Variants in ZNF608 observed in about 807,000 individuals in gnomAD.
ZNF608 encodes the protein renal carcinoma antigen NY-REN-36.
In ZNF608, 12 loss-of-function variants were observed where a neutral mutation model predicts 109.0. That is an observed-to-expected ratio of 0.11 (90% CI 0.07 to 0.18). ZNF608 has a LOEUF of 0.18. ZNF608 is among the 10% of genes least tolerant of loss of function. The pLI is 1.00. For missense variants in ZNF608, 1,707 were observed against 1,879.3 expected (o/e 0.91, Z 1.70); for synonymous variants, 732 against 717.4 (o/e 1.02, Z -0.33).
intron 3 of ZNF608, among the ~76,000 whole-genome samples, chr5:124,691,990 T>A (rs548954010): frequency 4.6e-5 from 7 of 152,310 alleles, no homozygotes; most frequent in Admixed American, 2.0e-4. Context: ...TTTTTTCCCA[T>A]CTACATTTTT....
chr5:124,700,099 C>T (rs1023633962), intron 3 of ZNF608, among the ~76,000 whole-genome samples: 2 of 152,128 alleles, frequency 1.3e-5, no homozygotes, highest in African/African-American at 4.8e-5. Flanking sequence ...AGTTCCCCCA[C>T]CCCTTCATTT....
chr5:124,722,970 C>T (rs1471753096), intron 2 of ZNF608, among the ~76,000 whole-genome samples: 1 of 151,652 alleles, frequency 6.6e-6, no homozygotes, highest in East Asian at 1.9e-4. Context: ...TCATAACTTC[C>T]AGTTAAAGAC....
At chr5:124,671,292 GA>G (rs1751704259) in intron 3 of ZNF608, among the ~76,000 whole-genome samples, 1 of 152,140 alleles carries the variant, frequency 6.6e-6, no homozygotes, top group African/African-American at 2.4e-5. Context: ...GAGAAGCCCA[GA>G]AAGGTCTTTT....
chr5:124,748,695 A>G, upstream of ZNF608: 1 of 587,152 alleles, frequency 1.7e-6, no homozygotes, highest in Non-Finnish European at 2.1e-6. Flanking sequence ...TATAAAAGCA[A>G]AAATTAAAAT....
At position 124,649,662 on chromosome 5, in the gene ZNF608, T is replaced by C; in HGVS notation, c.1198A>G (p.Thr400Ala). 1.2e-6 allele frequency: 2 copies of C among 1,610,080 alleles called. No individual in the cohort carries two copies. The highest frequency in any genetic ancestry group is 1.7e-6 in the Non-Finnish European group (2 of 1,177,160). The change falls in exon 4 of 10, where the codon ACG becomes GCG. Residue 400 changes from threonine to alanine, a missense_variant. Thr to Ala is a moderately conservative substitution (Grantham distance 58). Transcript: ENST00000513986. ...LVVNVTWRNK[T>A]YVGTLLDCTK... ...CAGTCCAGTAGGGTTCCCACGTACGTTTTGTTCCTCCACGTGACATTGACC... is the reference window on the plus strand; with the variant it reads ...CAGTCCAGTAGGGTTCCCACGTACGCTTTGTTCCTCCACGTGACATTGACC...
intron 2 of ZNF608, among the ~76,000 whole-genome samples, chr5:124,721,563 C>T (rs757127731): frequency 2.2e-4 from 34 of 152,066 alleles, no homozygotes; most frequent in Non-Finnish European, 4.7e-4. Context: ...TGTTTTGGAA[C>T]AGTAAAGATA....
chr5:124,640,266 T>G (rs1472584940), intron 8 of ZNF608, among the ~76,000 whole-genome samples: 1 of 152,226 alleles, frequency 6.6e-6, no homozygotes, highest in Non-Finnish European at 1.5e-5. Flanking sequence ...ATGTTGAAGC[T>G]CTAATCCACA....
At chr5:124,731,751 G>A (rs529639579) in intron 2 of ZNF608, among the ~76,000 whole-genome samples, 3 of 152,144 alleles carry the variant, frequency 2.0e-5, no homozygotes, top group Admixed American at 1.3e-4. Context: ...GCTTGGACCC[G>A]GGAGGCGGAG....
intron 3 of ZNF608, among the ~76,000 whole-genome samples, chr5:124,657,945 T>G (rs1454218719): frequency 6.6e-6 from 1 of 152,188 alleles, no homozygotes; most frequent in Non-Finnish European, 1.5e-5. Flanking sequence ...TAGGCAAACA[T>G]ACATATCCTA....
chr5:124,699,505 T>C (rs1239675676), intron 3 of ZNF608, among the ~76,000 whole-genome samples: 1 of 152,166 alleles, frequency 6.6e-6, no homozygotes, highest in Non-Finnish European at 1.5e-5. Flanking sequence ...AAAAGTAAAT[T>C]TTAATCACTT....
Position 124,648,040 on chromosome 5 carries a change from T to A in ZNF608, c.2344A>T (p.Ser782Cys). Reference protein sequence around the residue: ...TTTVVQATPKSPPLKPIQPKP... With the variant: ...TTTVVQATPKCPPLKPIQPKP... ...GGTTGAATGGGTTTTAACGGAGGAC[T>A]CTTTGGTGTAGCCTGAACAACAGTT... The change falls in exon 5 of 10, where the codon AGT (serine) becomes TGT (cysteine). Residue 782 changes from serine to cysteine, a missense_variant. Coordinates refer to ENST00000513986, the MANE Select transcript of ZNF608 (RefSeq NM_020747.3). The A allele has an allele frequency of 6.2e-7, 1 of 1,614,192 alleles. No homozygotes were observed. The highest frequency in any genetic ancestry group is 8.5e-7 in the Non-Finnish European group (1 of 1,180,040).
At chr5:124,700,072 A>T (rs1752992218) in intron 3 of ZNF608, among the ~76,000 whole-genome samples, 1 of 152,068 alleles carries the variant, frequency 6.6e-6, no homozygotes, top group Admixed American at 6.5e-5. Context: ...GACCGATCTA[A>T]CTTACAGAGA....
intron 3 of ZNF608, among the ~76,000 whole-genome samples, chr5:124,653,856 G>C (rs1462065344): frequency 6.6e-6 from 1 of 152,214 alleles, no homozygotes; most frequent in Admixed American, 6.5e-5. Context: ...AAAGTTCCAA[G>C]GGCGCAATAG....
intron 3 of ZNF608, among the ~76,000 whole-genome samples, chr5:124,669,521 C>T (rs1263038471): frequency 2.6e-5 from 4 of 152,148 alleles, no homozygotes; most frequent in Non-Finnish European, 5.9e-5. Context: ...GCCAAGTGAA[C>T]GCTATAGGCT....
At position 124,648,820 on chromosome 5, in the gene ZNF608, G is replaced by C; in HGVS notation, c.1564C>G (p.Arg522Gly). 1 of 1,614,178 alleles carries C rather than the reference G, an allele frequency of 6.2e-7. No individual in the cohort carries two copies. Among genetic ancestry groups the C allele is most frequent in the Non-Finnish European group, 8.5e-7 (1 of 1,180,016 alleles). ...GTGCTTCTGGAATTTGTGCGGACAC[G>C]CTTTCCAGGCTTATTGTCCTCAGAG... is the stretch of plus-strand genomic sequence containing the variant. ...SSSEDNKPGK[R>G]VRTNSRSTPT... Residue 522 changes from arginine to glycine, a missense_variant, in exon 5 of 10, where the codon CGT (arginine) becomes GGT (glycine). Physicochemically the swap from Arg to Gly is moderately radical, Grantham distance 125. Transcript: ENST00000513986.
In ZNF608 at chr5:124,644,274, C is replaced by G; in HGVS notation, c.4093G>C (p.Val1365Leu). The G allele has an allele frequency of 6.2e-7, 1 of 1,611,592 alleles. No individual in the cohort carries two copies. Residue 1365 changes from valine (V) to leucine (L), a missense_variant, in exon 6 of 10, where the codon GTT (valine) becomes CTT (leucine). Coordinates refer to ENST00000513986, the MANE Select transcript of ZNF608 (RefSeq NM_020747.3). Reference sequence around the variant, plus strand: ...TAACTGTGCATTAGGACGGGAGAAACAGCCCGGTATGCAGGATGGCTGGGG... The same window carrying G: ...TAACTGTGCATTAGGACGGGAGAAAGAGCCCGGTATGCAGGATGGCTGGGG... ...YDPSHPAYRA[V>L]SPVLMHSYPG...
At chr5:124,645,736 G>A (rs1376916765) in intron 5 of ZNF608, among the ~76,000 whole-genome samples, 1 of 152,022 alleles carries the variant, frequency 6.6e-6, no homozygotes, top group African/African-American at 2.4e-5. Flanking sequence ...ATGGGGCTCT[G>A]GGACAGCTGT....
intron 3 of ZNF608, among the ~76,000 whole-genome samples, chr5:124,686,118 G>A (rs1231375399): frequency 1.3e-5 from 2 of 152,164 alleles, no homozygotes; most frequent in Non-Finnish European, 2.9e-5. Flanking sequence ...GGATTCTCTA[G>A]TAACTGGGAA....
chr5:124,693,157 G>T (rs1001502102), intron 3 of ZNF608, among the ~76,000 whole-genome samples: 3 of 152,178 alleles, frequency 2.0e-5, no homozygotes, highest in African/African-American at 7.2e-5. Context: ...TAAGTTATGT[G>T]AATTATATCT....
Sources: allele counts gnomAD v4.1 joint callset (sites outside exome capture counted in the v4.1 genomes callset), GRCh38; gene constraint gnomAD v4.1.1; transcripts MANE v1.5; gene names NCBI Gene and HGNC (gene_info 2026-07-23, HGNC 2026-07-21).